CALCRL: variants seen among roughly 807,000 people sequenced by gnomAD.
CALCRL encodes calcitonin receptor like receptor, also known as calcitonin gene-related peptide type 1 receptor.
CALCRL carries 27 observed loss-of-function variants against 60.4 expected under a neutral mutation model. That is an observed-to-expected ratio of 0.45 (90% CI 0.33 to 0.62). CALCRL has a LOEUF of 0.62. Among genes scored for constraint, CALCRL ranks in the 20% least tolerant of loss-of-function variants. The probability of loss-of-function intolerance (pLI) is 0.03; values close to 1 mark genes in which losing one functional copy is unlikely to be tolerated. For missense variants in CALCRL, 424 were observed against 540.7 expected (o/e 0.78, Z 2.14); for synonymous variants, 190 against 182.6 (o/e 1.04, Z -0.33).
chr2:187,428,214 C>T (rs550761284), intron 1 of CALCRL: 7 of 152,210 alleles, frequency 4.6e-5, no homozygotes, highest in African/African-American at 1.7e-4. Flanking sequence ...AGATGAGACC[C>T]TCAAGGCACA....
chr2:187,365,981 C>T (rs936631813), intron 8 of CALCRL, among the ~76,000 whole-genome samples: 4 of 152,012 alleles, frequency 2.6e-5, no homozygotes, highest in African/African-American at 9.7e-5. Context: ...CGGTGGCTCA[C>T]GCCTGTAATC....
chr2:187,361,735 A>G lies in CALCRL; in HGVS notation c.628-984T>C, dbSNP rs541214739. ...ATCATAGGCATATATTTTATAGATA[A>G]AAAAACTTAGTACCAGAGAAGTTAA... is the stretch of plus-strand genomic sequence containing the variant. On this transcript the variant is annotated intron_variant, in intron 9 of 14. Transcript: ENST00000392370. Among the ~76,000 whole-genome samples the G allele has an allele frequency of 2.8e-4, 43 of 152,050 alleles. No individual in the cohort carries two copies. The South Asian group carries it at 8.1e-3, about 29-fold the overall frequency.
rs1203427939 is a variant in CALCRL at position 187,342,817 on chromosome 2, A to T, written c.*3367T>A. On this transcript the variant is annotated 3_prime_UTR_variant, in exon 15 of 15. Coordinates refer to ENST00000392370, the MANE Select transcript of CALCRL (RefSeq NM_005795.6). ...TGTGATATTTTGAATTCTCCTTTGAATTTTTGTAACATCTTACTTGTTCCT... is the reference window on the plus strand; with the variant it reads ...TGTGATATTTTGAATTCTCCTTTGATTTTTTGTAACATCTTACTTGTTCCT... Among the ~76,000 whole-genome samples, 1 of 151,526 alleles carries T rather than the reference A, an allele frequency of 6.6e-6. No homozygotes were observed. Among genetic ancestry groups the T allele is most frequent in the Admixed American group, 6.6e-5 (1 of 15,206 alleles).
At chr2:187,354,951 T>C (rs1686705767) in intron 12 of CALCRL, among the ~76,000 whole-genome samples, 1 of 152,028 alleles carries the variant, frequency 6.6e-6, no homozygotes, top group Non-Finnish European at 1.5e-5. Context: ...TGTTCTGGAA[T>C]CTCCTGGGTA....
At chr2:187,445,703 A>G (rs1691148697) in intron 1 of CALCRL, among the ~76,000 whole-genome samples, 1 of 151,506 alleles carries the variant, frequency 6.6e-6, no homozygotes, top group Non-Finnish European at 1.5e-5. Flanking sequence ...TTACCTTTAT[A>G]TTATTTTCAA....
intron 5 of CALCRL, among the ~76,000 whole-genome samples, chr2:187,381,537 C>A (rs1024412943): frequency 6.6e-6 from 1 of 150,694 alleles, no homozygotes; most frequent in African/African-American, 2.4e-5. Context: ...CTCACTGCAA[C>A]CTCCACCTCC....
At chr2:187,432,238 T>C (rs1690437023) in intron 1 of CALCRL, among the ~76,000 whole-genome samples, 1 of 152,144 alleles carries the variant, frequency 6.6e-6, no homozygotes, top group Non-Finnish European at 1.5e-5. Flanking sequence ...TTTACATACA[T>C]CCTTTCAGGC....
At chr2:187,442,905 T>C (rs767705471) in intron 1 of CALCRL, among the ~76,000 whole-genome samples, 6 of 151,882 alleles carry the variant, frequency 4.0e-5, no homozygotes, top group Admixed American at 3.3e-4. Flanking sequence ...TAATACACAA[T>C]AGTATAATGA....
intron 1 of CALCRL, among the ~76,000 whole-genome samples, chr2:187,396,127 G>A (rs868320769): frequency 6.6e-6 from 1 of 150,884 alleles, no homozygotes; most frequent in South Asian, 2.1e-4. Context: ...TGGACCATTT[G>A]GCTAATTTTT....
intron 1 of CALCRL, among the ~76,000 whole-genome samples, chr2:187,407,989 C>G (rs1437675111): frequency 2.0e-5 from 3 of 151,924 alleles, no homozygotes; most frequent in African/African-American, 7.2e-5. Flanking sequence ...ATAGTTTGAG[C>G]AAAATCACAC....
chr2:187,402,401 TGGAG>T (rs1223932691), intron 1 of CALCRL, among the ~76,000 whole-genome samples: 1 of 150,904 alleles, frequency 6.6e-6, no homozygotes, highest in Non-Finnish European at 1.5e-5. Flanking sequence ...GCATTTTACA[TGGAG>T]GAAGTATGTT....
intron 1 of CALCRL, among the ~76,000 whole-genome samples, chr2:187,435,151 G>C (rs1690576017): frequency 6.6e-6 from 1 of 152,124 alleles, no homozygotes; most frequent in Admixed American, 6.6e-5. Context: ...AATTTATAAA[G>C]AAAATAGGTT....
chr2:187,415,672 G>T, intron 1 of CALCRL: 1 of 616,136 alleles, frequency 1.6e-6, no homozygotes, highest in South Asian at 1.6e-5. Context: ...GGGCTACACT[G>T]AGCACCAGGT....
chr2:187,444,155 T>C (rs577136805), intron 1 of CALCRL, among the ~76,000 whole-genome samples: 1 of 151,728 alleles, frequency 6.6e-6, no homozygotes, highest in East Asian at 1.9e-4. Flanking sequence ...ATGAGAAACA[T>C]AAATGAGCTT....
intron 1 of CALCRL, among the ~76,000 whole-genome samples, chr2:187,393,977 A>G (rs767866228): frequency 6.6e-6 from 1 of 152,096 alleles, no homozygotes; most frequent in Non-Finnish European, 1.5e-5. Context: ...GATTACAGCT[A>G]TGATTTAGGT....
At chr2:187,364,103 A>G (rs1687174540) in intron 8 of CALCRL, among the ~76,000 whole-genome samples, 1 of 152,162 alleles carries the variant, frequency 6.6e-6, no homozygotes, top group South Asian at 2.1e-4. Flanking sequence ...GCAGCCATAT[A>G]TAAGGTAAAA....
intron 1 of CALCRL, among the ~76,000 whole-genome samples, chr2:187,411,907 A>G (rs1403344856): frequency 6.7e-6 from 1 of 149,794 alleles, no homozygotes; most frequent in East Asian, 2.0e-4. Context: ...GAGGCAGGAG[A>G]ATGGCGTGAA....
rs376440413 is a variant in CALCRL, at chr2:187,376,107, C to G, written c.500+2833G>C. 2.2e-3 allele frequency among the ~76,000 whole-genome samples: 329 copies of G among 152,224 alleles called. 4 individuals are homozygous for G. The highest frequency in any genetic ancestry group is 7.4e-3 in the African/African-American group (309 of 41,554). ...TCAAGTACTGTTTCATTCATAGATT[C>G]TTGGGTGTGGAAAGAGCATTAAAGA... is the stretch of plus-strand genomic sequence containing the variant. On this transcript the variant is annotated intron_variant, in intron 8 of 14. Transcript: ENST00000392370.
At chr2:187,370,287 C>T (rs572074721) in intron 8 of CALCRL, among the ~76,000 whole-genome samples, 23 of 151,686 alleles carry the variant, frequency 1.5e-4, no homozygotes, top group Middle Eastern at 6.8e-3. Context: ...TGGGTATGAT[C>T]GAGAAAAATA....
Sources: gnomAD v4.1 joint callset for allele counts (sites outside exome capture counted in the v4.1 genomes callset) on GRCh38, gnomAD v4.1.1 for gene constraint, MANE v1.5 for transcripts, NCBI Gene and HGNC (gene_info 2026-07-23, HGNC 2026-07-21) for gene names.